The following STK38L variants were observed in gnomAD, a reference collection of about 807,000 sequenced individuals.
The protein encoded by STK38L is serine/threonine kinase 38 like, also known as serine/threonine-protein kinase 38-like.
A neutral mutation model predicts 59.7 loss-of-function variants in STK38L; 28 were observed. The observed-to-expected ratio is 0.47, with a 90% confidence interval of 0.35 to 0.64. The LOEUF (loss-of-function observed/expected upper bound fraction) is 0.64, where lower values mean the gene tolerates loss of function less well. Among genes scored for constraint, STK38L ranks in the 30% least tolerant of loss-of-function variants. The pLI, the probability that STK38L is intolerant of heterozygous loss-of-function variation, is 0.01. For missense variants in STK38L, 314 were observed against 555.8 expected (o/e 0.56, Z 4.37); for synonymous variants, 162 against 176.8 (o/e 0.92, Z 0.66).
In STK38L at chr12:27,318,008, C is replaced by T; in HGVS notation, c.1068C>T (p.Asp356=). ...TACCTATATCTGAGAAAGCCAAGGA[C>T]TTAATTCTCAGGTTAGTGGTTAAAT... ...PEVPISEKAK[D]LILRFCIDSE... The change falls in exon 11 of 14, where the codon GAC becomes GAT. Residue 356 remains aspartate, a synonymous_variant. Transcript: ENST00000389032. The T allele has an allele frequency of 6.2e-7, 1 of 1,613,922 alleles. No homozygotes were observed. The highest frequency in any genetic ancestry group is 1.3e-5 in the African/African-American group (1 of 75,022).
chr12:27,256,503 T>C (rs891513394), intron 1 of STK38L, among the ~76,000 whole-genome samples: 3 of 152,264 alleles, frequency 2.0e-5, no homozygotes, highest in African/African-American at 7.2e-5. Flanking sequence ...CAGGGAGGCC[T>C]GCCTTGACCT....
At chr12:27,248,015 A>G (rs187905310) in intron 1 of STK38L, among the ~76,000 whole-genome samples, 62 of 149,096 alleles carry the variant, frequency 4.2e-4, no homozygotes, top group African/African-American at 1.4e-3. Context: ...GGGTTTCACT[A>G]TGTTGCCCAG....
At chr12:27,318,045 T>C (rs759855996) in intron 11 of STK38L, 26 bp downstream of exon 11, 3 of 1,610,938 alleles carry the variant, frequency 1.9e-6, no homozygotes, top group Non-Finnish European at 2.5e-6. Flanking sequence ...CCTAGAGGAG[T>C]TCATAGTGTC....
intron 1 of STK38L, among the ~76,000 whole-genome samples, chr12:27,273,338 C>CG (rs1441968800): frequency 6.6e-6 from 1 of 152,050 alleles, no homozygotes; most frequent in Non-Finnish European, 1.5e-5. Flanking sequence ...TGCCCACCTA[C>CG]GCATGGCTTG....
chr12:27,263,700 A>T (rs1943248177), intron 1 of STK38L, among the ~76,000 whole-genome samples: 3 of 152,356 alleles, frequency 2.0e-5, no homozygotes, highest in Admixed American at 2.0e-4. Flanking sequence ...GGATCAGTCA[A>T]CAAGATTTGA....
chr12:27,283,394 T>C (rs566987313), intron 1 of STK38L, among the ~76,000 whole-genome samples: 1 of 152,238 alleles, frequency 6.6e-6, no homozygotes, highest in Non-Finnish European at 1.5e-5. Flanking sequence ...AAATTAGTTA[T>C]ATGTTTTAAG....
Position 27,309,098 on chromosome 12 carries a change from G to C in STK38L, c.310-16G>C. ...TAGTAGTGACTGTTTTATAATATAT[G>C]TTTTTTATCTTTTAGGTGCGGTTGG... is the stretch of plus-strand genomic sequence containing the variant. On this transcript the variant is annotated splice_polypyrimidine_tract_variant and intron_variant, in intron 4 of 13. Coordinates refer to ENST00000389032, the MANE Select transcript of STK38L (RefSeq NM_015000.4). 1 of 1,551,896 alleles carries C rather than the reference G, an allele frequency of 6.4e-7. No homozygotes were observed. Among genetic ancestry groups the C allele is most frequent in the South Asian group, 1.2e-5 (1 of 81,152 alleles).
At chr12:27,317,575 C>A in intron 10 of STK38L, 122 bp downstream of exon 10, 1 of 843,692 alleles carries the variant, frequency 1.2e-6, no homozygotes, top group Non-Finnish European at 1.9e-6. Flanking sequence ...TTCTGATGTT[C>A]CCCCAATGTT....
At chr12:27,314,805 T>G (rs2136649920) in intron 7 of STK38L, 147 bp downstream of exon 7, 4 of 1,009,262 alleles carry the variant, frequency 4.0e-6, no homozygotes, top group Non-Finnish European at 5.6e-6. Context: ...ACTTGGGAAT[T>G]AAATGACAAC....
At chr12:27,252,671 A>G (rs1565521574) in intron 1 of STK38L, among the ~76,000 whole-genome samples, 1 of 152,214 alleles carries the variant, frequency 6.6e-6, no homozygotes, top group Non-Finnish European at 1.5e-5. Flanking sequence ...GATGTTCTCC[A>G]TATGTCGACT....
chr12:27,318,890 C>T (rs1295302768), intron 11 of STK38L, among the ~76,000 whole-genome samples: 1 of 152,156 alleles, frequency 6.6e-6, no homozygotes, highest in Non-Finnish European at 1.5e-5. Flanking sequence ...ACTTGGGAGG[C>T]TGAGGCAGGA....
intron 1 of STK38L, among the ~76,000 whole-genome samples, chr12:27,280,094 C>T (rs1021701270): frequency 6.6e-6 from 1 of 152,098 alleles, no homozygotes; most frequent in South Asian, 2.1e-4. Flanking sequence ...AAAAGTTACC[C>T]ATGGTTATTA....
intron 1 of STK38L, among the ~76,000 whole-genome samples, chr12:27,252,230 C>G (rs1420590670): frequency 6.6e-6 from 1 of 152,168 alleles, no homozygotes; most frequent in Non-Finnish European, 1.5e-5. Flanking sequence ...CCGCCTGCCT[C>G]GGCCTCCCAA....
chr12:27,249,453 T>C (rs1369072631), intron 1 of STK38L, among the ~76,000 whole-genome samples: 1 of 152,200 alleles, frequency 6.6e-6, no homozygotes, highest in Admixed American at 6.5e-5. Flanking sequence ...TTCTCTTGCC[T>C]CAGCCTCCCA....
intron 3 of STK38L, 138 bp downstream of exon 3, chr12:27,302,326 CTTTT>C: frequency 3.2e-6 from 2 of 624,602 alleles, no homozygotes; most frequent in Non-Finnish European, 5.3e-6. Flanking sequence ...TCATGGATAT[CTTTT>C]ATTGATATCT....
At chr12:27,273,693 TCA>T (rs1210903965) in intron 1 of STK38L, among the ~76,000 whole-genome samples, 1 of 149,780 alleles carries the variant, frequency 6.7e-6, no homozygotes, top group Non-Finnish European at 1.5e-5. Context: ...TACTATAGCC[TCA>T]CTGCTGAGAA....
At chr12:27,268,373 G>GT (rs1289777011) in intron 1 of STK38L, among the ~76,000 whole-genome samples, 1 of 151,942 alleles carries the variant, frequency 6.6e-6, no homozygotes, top group Non-Finnish European at 1.5e-5. Context: ...GTGGTGTTTG[G>GT]TTTTTTGTCC....
At chr12:27,304,347 T>G (rs1413046334) in intron 3 of STK38L, among the ~76,000 whole-genome samples, 2 of 151,968 alleles carry the variant, frequency 1.3e-5, no homozygotes, top group Non-Finnish European at 1.5e-5. Context: ...GTATCTAATC[T>G]TCCCTGTACC....
At chr12:27,260,919 G>A (rs1450625401) in intron 1 of STK38L, among the ~76,000 whole-genome samples, 2 of 152,294 alleles carry the variant, frequency 1.3e-5, no homozygotes, top group East Asian at 3.9e-4. Flanking sequence ...CTAGACTTCT[G>A]TTGTTGAGAG....
Sources: gnomAD v4.1 joint callset for allele counts (sites outside exome capture counted in the v4.1 genomes callset) on GRCh38, gnomAD v4.1.1 for gene constraint, MANE v1.5 for transcripts, NCBI Gene and HGNC (gene_info 2026-07-23, HGNC 2026-07-21) for gene names.